NUMB: variants seen among roughly 807,000 people sequenced by gnomAD.
NUMB encodes NUMB endocytic adaptor protein, also known as protein numb homolog.
NUMB carries 29 observed loss-of-function variants against 59.7 expected under a neutral mutation model. The ratio of observed to expected loss-of-function variants is 0.49; its 90% CI spans 0.36 to 0.66. The LOEUF (loss-of-function observed/expected upper bound fraction) is 0.66. Ranked by LOEUF, NUMB falls within the 30% of genes least tolerant of loss-of-function variation. NUMB has a pLI of 0.00. For missense variants in NUMB, 723 were observed against 822.0 expected, an observed-to-expected ratio of 0.88 and a Z score of 1.47; for synonymous variants, 288 against 288.2, an observed-to-expected ratio of 1.00 and a Z score of 0.01.
intron 6 of NUMB, among the ~76,000 whole-genome samples, chr14:73,306,556 T>C (rs1304281022): frequency 6.6e-6 from 1 of 152,192 alleles, no homozygotes; most frequent in East Asian, 1.9e-4. Context: ...GTGTGGAACA[T>C]GTTTTCTCTC....
intron 6 of NUMB, among the ~76,000 whole-genome samples, chr14:73,300,658 C>T (rs1474013747): frequency 1.3e-5 from 2 of 152,152 alleles, no homozygotes; most frequent in African/African-American, 4.8e-5. Flanking sequence ...CATAGGGTTA[C>T]TGTGAAGATT....
At chr14:73,453,980 A>T (rs573548756) in intron 1 of NUMB, among the ~76,000 whole-genome samples, 149 of 151,732 alleles carry the variant, frequency 9.8e-4, no homozygotes, top group Middle Eastern at 3.4e-3. Flanking sequence ...TAGCAAAAAA[A>T]TTTTTTTTTA....
intron 1 of NUMB, among the ~76,000 whole-genome samples, chr14:73,423,838 T>C (rs1897461618): frequency 6.6e-6 from 1 of 151,018 alleles, no homozygotes; most frequent in African/African-American, 2.4e-5. Flanking sequence ...TGGTGGTGCA[T>C]GCCTGTAATT....
chr14:73,442,375 AAATAAT>A (rs144381465), intron 1 of NUMB, among the ~76,000 whole-genome samples: 1 of 151,820 alleles, frequency 6.6e-6, no homozygotes, highest in Non-Finnish European at 1.5e-5. Flanking sequence ...CCCATCTCAA[AAATAAT>A]AATAATAATA....
intron 2 of NUMB, among the ~76,000 whole-genome samples, chr14:73,388,448 T>C (rs1170870078): frequency 6.6e-6 from 1 of 152,242 alleles, no homozygotes; most frequent in Non-Finnish European, 1.5e-5. Context: ...GATTGTATTA[T>C]AGCAGAAAGT....
intron 2 of NUMB, among the ~76,000 whole-genome samples, chr14:73,390,808 C>A (rs1275989676): frequency 1.3e-5 from 2 of 151,494 alleles, no homozygotes; most frequent in Non-Finnish European, 2.9e-5. Context: ...TGCCACCACG[C>A]CCGGCTAATT....
chr14:73,352,471 CACACACATATATAT>C (rs1893389832), intron 4 of NUMB, among the ~76,000 whole-genome samples: 3 of 21,026 alleles, frequency 1.4e-4, no homozygotes, highest in African/African-American at 3.4e-4. Context: ...CACACACACA[CACACACATATATAT>C]ATATATATAT....
chr14:73,345,391 C>T (rs1892858555), intron 4 of NUMB, among the ~76,000 whole-genome samples: 1 of 152,140 alleles, frequency 6.6e-6, no homozygotes, highest in South Asian at 2.1e-4. Flanking sequence ...AGGTACCATG[C>T]TCACTACCTG....
intron 6 of NUMB, among the ~76,000 whole-genome samples, chr14:73,300,950 C>A (rs754072418): frequency 2.0e-4 from 30 of 152,080 alleles, no homozygotes; most frequent in Non-Finnish European, 4.1e-4. Flanking sequence ...TAGGGCTGTT[C>A]CAGGCAAATT....
At chr14:73,384,779 T>C (rs1396144124) in intron 2 of NUMB, among the ~76,000 whole-genome samples, 1 of 151,930 alleles carries the variant, frequency 6.6e-6, no homozygotes, top group African/African-American at 2.4e-5. Context: ...GGTCTTGCCA[T>C]GTTGCCTAGG....
intron 6 of NUMB, chr14:73,298,917 TAAATGCTACAGTAG>T (rs1889945196): frequency 6.6e-6 from 1 of 152,134 alleles, no homozygotes; most frequent in African/African-American, 2.4e-5. Flanking sequence ...ATACCGTAGG[TAAATGCTACAGTAG>T]AGCTGAGAAC....
chr14:73,394,420 A>AG (rs972688348), intron 2 of NUMB, among the ~76,000 whole-genome samples: 21 of 150,474 alleles, frequency 1.4e-4, no homozygotes, highest in South Asian at 8.4e-4. Context: ...AAAAAAAAAA[A>AG]AAAGAGAGAG....
intron 8 of NUMB, among the ~76,000 whole-genome samples, chr14:73,288,948 G>A (rs1889206049): frequency 2.0e-5 from 3 of 152,000 alleles, no homozygotes; most frequent in Non-Finnish European, 2.9e-5. Flanking sequence ...TGGGAGGTGG[G>A]AGGATCACTT....
chr14:73,284,238 C>T lies in NUMB; in HGVS notation c.792G>A (p.Arg264=). 1.2e-6 allele frequency: 2 copies of T among 1,614,090 alleles called. No homozygotes were observed. Among genetic ancestry groups the T allele is most frequent in the Non-Finnish European group, 1.7e-6 (2 of 1,180,012 alleles). The change falls in exon 10 of 13, where the codon CGG becomes CGA. Residue 264 remains arginine (R), a synonymous_variant. Transcript: ENST00000555238. ...EMNNPHAIPR[R]HAPIEQLARQ... ...GAGCAAGCTGTTCAATTGGAGCATG[C>T]CGGCGTGGGATGGCATGAGGATTGT...
intron 7 of NUMB, among the ~76,000 whole-genome samples, chr14:73,294,569 G>A (rs561486332): frequency 5.9e-5 from 9 of 151,736 alleles, no homozygotes; most frequent in Non-Finnish European, 1.2e-4. Context: ...GGCTGCTGGA[G>A]TGCAATGATG....
At position 73,276,997 on chromosome 14, in the gene NUMB, C is replaced by T. The variant is rs763529269; in HGVS notation, c.1537G>A (p.Val513Met). The T allele has an allele frequency of 7.4e-6, 12 of 1,614,108 alleles. No individual in the cohort carries two copies. The South Asian group carries it at 1.1e-4, about 15-fold the overall frequency. Residue 513 changes from valine to methionine, a missense_variant, in exon 13 of 13, where the codon GTG becomes ATG. By Grantham distance (21) the Val-to-Met change is conservative (BLOSUM62 1). Transcript: ENST00000555238. ...GCTGGATAGGGCATTCCATTGGCCA[C>T]AGGATAGGACTGGGCAGGGACAAAG... The part of the protein sequence containing the change: ...PAFVPAQSYP[V>M]ANGMPYPAPN...
chr14:73,384,190 A>C (rs1895385085), intron 2 of NUMB, among the ~76,000 whole-genome samples: 1 of 150,860 alleles, frequency 6.6e-6, no homozygotes, highest in Non-Finnish European at 1.5e-5. Context: ...CTTCCTCCAC[A>C]CCATTCTCCT....
chr14:73,344,819 A>C (rs976084073), intron 4 of NUMB, among the ~76,000 whole-genome samples: 1 of 152,266 alleles, frequency 6.6e-6, no homozygotes, highest in Non-Finnish European at 1.5e-5. Flanking sequence ...TGTTCTACAT[A>C]ATCTGGTAAG....
chr14:73,337,649 A>G (rs1440210745), intron 4 of NUMB, among the ~76,000 whole-genome samples: 1 of 152,226 alleles, frequency 6.6e-6, no homozygotes, highest in African/African-American at 2.4e-5. Flanking sequence ...TGCCCAGTGC[A>G]ATGAGGCAAG....
Sources: gnomAD v4.1 joint callset for allele counts (sites outside exome capture counted in the v4.1 genomes callset) on GRCh38, gnomAD v4.1.1 for gene constraint, MANE v1.5 for transcripts, NCBI Gene and HGNC (gene_info 2026-07-23, HGNC 2026-07-21) for gene names.